Variants in CEP112 observed in about 807,000 individuals in gnomAD.
CEP112 encodes the protein centrosomal protein 112, also known as centrosomal protein of 112 kDa.
CEP112 carries 127 observed loss-of-function variants against 153.0 expected under a neutral mutation model. That is an observed-to-expected ratio of 0.83 (90% confidence interval 0.72 to 0.96). The LOEUF (loss-of-function observed/expected upper bound fraction) is 0.96, where lower values mean the gene tolerates loss of function less well. Ranked by LOEUF, CEP112 falls within the 40% of genes least tolerant of loss-of-function variation. The pLI is 0.00. For missense variants in CEP112, 1,089 were observed against 1,101.2 expected, an observed-to-expected ratio of 0.99 and a Z score of 0.16; for synonymous variants, 358 against 374.4, an observed-to-expected ratio of 0.96 and a Z score of 0.51.
chr17:65,964,016 G>T (rs11871960), intron 17 of CEP112, among the ~76,000 whole-genome samples: 62,980 of 152,070 alleles, frequency 0.41, 14,446 homozygotes, highest in East Asian at 0.87. Context: ...GTGATGCCCT[G>T]CATGACAGTT....
chr17:65,882,660 T>A (rs2059126264), intron 20 of CEP112, among the ~76,000 whole-genome samples: 3 of 152,194 alleles, frequency 2.0e-5, no homozygotes. Flanking sequence ...ATATAGTCCC[T>A]CCTCTGGAAG....
intron 20 of CEP112, among the ~76,000 whole-genome samples, chr17:65,863,420 A>C (rs1426591698): frequency 6.6e-6 from 1 of 152,206 alleles, no homozygotes; most frequent in Non-Finnish European, 1.5e-5. Flanking sequence ...GTTTTGAAGC[A>C]GGAGAATGGT....
intron 20 of CEP112, among the ~76,000 whole-genome samples, chr17:65,870,460 A>T (rs989608016): frequency 6.6e-6 from 1 of 152,230 alleles, no homozygotes; most frequent in Non-Finnish European, 1.5e-5. Flanking sequence ...TAAAATAGCT[A>T]TGTAGAAGCA....
At chr17:65,962,502 A>G (rs2062242304) in intron 17 of CEP112, among the ~76,000 whole-genome samples, 1 of 152,218 alleles carries the variant, frequency 6.6e-6, no homozygotes, top group African/African-American at 2.4e-5. Context: ...TTGATAGAAG[A>G]AAAAATTAAA....
At chr17:66,103,454 C>T (rs2068649911) in intron 6 of CEP112, among the ~76,000 whole-genome samples, 1 of 152,158 alleles carries the variant, frequency 6.6e-6, no homozygotes, top group South Asian at 2.1e-4. Flanking sequence ...TACCTACTTA[C>T]ATAGAACTCT....
intron 21 of CEP112, among the ~76,000 whole-genome samples, chr17:65,825,910 C>T (rs1031301299): frequency 2.0e-5 from 3 of 152,058 alleles, no homozygotes; most frequent in Non-Finnish European, 4.4e-5. Flanking sequence ...TGCCTGTTGC[C>T]CCCAGATGTC....
intron 4 of CEP112, among the ~76,000 whole-genome samples, chr17:66,151,074 T>A (rs900083857): frequency 1.3e-5 from 2 of 152,238 alleles, no homozygotes; most frequent in Non-Finnish European, 2.9e-5. Flanking sequence ...AAGCTATTTA[T>A]CTTTGTATTT....
chr17:65,653,652 G>A (rs1374291390), intron 24 of CEP112, among the ~76,000 whole-genome samples: 1 of 152,206 alleles, frequency 6.6e-6, no homozygotes, highest in Non-Finnish European at 1.5e-5. Flanking sequence ...CTTGCTGGGA[G>A]GGATCAGATG....
At chr17:65,994,056 G>C (rs1355571367) in intron 17 of CEP112, among the ~76,000 whole-genome samples, 1 of 151,310 alleles carries the variant, frequency 6.6e-6, no homozygotes, top group African/African-American at 2.4e-5. Context: ...GAAAAGGGGT[G>C]TTATATGTCA....
chr17:65,776,396 A>G (rs1462330242), intron 21 of CEP112, among the ~76,000 whole-genome samples: 2 of 152,082 alleles, frequency 1.3e-5, no homozygotes, highest in Admixed American at 6.6e-5. Flanking sequence ...CACCACGCTC[A>G]GCTAATTTTT....
Position 65,927,747 on chromosome 17 carries a change from T to C in CEP112, c.1873-58A>G. On this transcript the variant is annotated intron_variant, in intron 18 of 26. Coordinates refer to ENST00000535342, the MANE Select transcript of CEP112 (RefSeq NM_001199165.4). ...TAAACAAACAATTGTGTTCCATGTT[T>C]TTGTAATTTGTCCATTTGTTTAAAT... 5 of 1,067,392 alleles carry C rather than the reference T, an allele frequency of 4.7e-6. No individual in the cohort carries two copies. In the South Asian group the frequency reaches 8.9e-5, roughly 19 times the overall value. 66.1% of individuals were successfully genotyped at this position (1,067,392 alleles called of 1,614,324 possible).
intron 18 of CEP112, among the ~76,000 whole-genome samples, chr17:65,940,703 G>C (rs1568265661): frequency 6.6e-6 from 1 of 152,168 alleles, no homozygotes; most frequent in Non-Finnish European, 1.5e-5. Context: ...CAGAAGTAGA[G>C]AGTACAATGG....
At chr17:65,754,726 G>A (rs1308616388) in intron 21 of CEP112, among the ~76,000 whole-genome samples, 2 of 152,208 alleles carry the variant, frequency 1.3e-5, no homozygotes, top group Non-Finnish European at 2.9e-5. Flanking sequence ...ACAGGGCTGT[G>A]AGAGAACCAG....
At chr17:66,106,166 G>A (rs960878642) in intron 6 of CEP112, among the ~76,000 whole-genome samples, 1 of 151,824 alleles carries the variant, frequency 6.6e-6, no homozygotes, top group African/African-American at 2.4e-5. Context: ...AGTAGTAAGA[G>A]GAAAGTTTAT....
chr17:66,150,348 C>T (rs2071150933), intron 4 of CEP112, among the ~76,000 whole-genome samples: 1 of 150,026 alleles, frequency 6.7e-6, no homozygotes. Flanking sequence ...CAGACATGTG[C>T]CACCATGCCC....
intron 24 of CEP112, among the ~76,000 whole-genome samples, chr17:65,681,785 T>A (rs772274664): frequency 3.1e-4 from 47 of 151,132 alleles, no homozygotes; most frequent in Non-Finnish European, 6.8e-4. Flanking sequence ...GGGATCCTCC[T>A]ACCTTAGCCT....
At chr17:65,800,158 AGAGT>A (rs2145813708) in intron 21 of CEP112, among the ~76,000 whole-genome samples, 1 of 152,166 alleles carries the variant, frequency 6.6e-6, no homozygotes, top group Non-Finnish European at 1.5e-5. Context: ...ACACCTTTTA[AGAGT>A]ATACATTTTA....
chr17:65,706,051 T>C (rs1261159904), intron 23 of CEP112, among the ~76,000 whole-genome samples: 3 of 152,232 alleles, frequency 2.0e-5, no homozygotes, highest in Admixed American at 2.0e-4. Flanking sequence ...TGATAGTTAC[T>C]GAAGGTGGGT....
intron 8 of CEP112, among the ~76,000 whole-genome samples, chr17:66,072,350 A>T (rs2067335396): frequency 6.6e-6 from 1 of 152,274 alleles, no homozygotes; most frequent in South Asian, 2.1e-4. Context: ...TATCACAGTA[A>T]TGTCATTTAT....
Sources: allele counts gnomAD v4.1 joint callset (sites outside exome capture counted in the v4.1 genomes callset), GRCh38; gene constraint gnomAD v4.1.1; transcripts MANE v1.5; gene names NCBI Gene and HGNC (gene_info 2026-07-23, HGNC 2026-07-21).